The following SZT2 variants were observed in gnomAD, a reference collection of about 807,000 sequenced individuals.
SZT2 encodes the protein SZT2 subunit of KICSTOR complex.
A neutral mutation model predicts 404.2 loss-of-function variants in SZT2; 216 were observed. The ratio of observed to expected loss-of-function variants is 0.53; its 90% CI spans 0.48 to 0.60. The LOEUF (loss-of-function observed/expected upper bound fraction) is 0.60. SZT2 is among the 20% of genes least tolerant of loss of function. SZT2 has a pLI of 0.00. For synonymous variants in SZT2, 1,693 were observed against 1,749.9 expected (o/e 0.97, Z 0.81); for missense variants, 3,857 against 4,459.2 (o/e 0.86, Z 3.85).
Position 43,437,344 on chromosome 1 carries a change from G to A in SZT2, c.6187+21G>A, listed in dbSNP as rs74799735. 123 of 1,614,180 alleles carry A rather than the reference G, an allele frequency of 7.6e-5. 1 individual carries two copies. In the East Asian group the frequency reaches 2.1e-3, roughly 27 times the overall value. ...TCGGGGTATGTGATTGGCATGAGAG[G>A]GCAGGTGAGCATTGGAAGGATCTGG... On this transcript the variant is annotated intron_variant, in intron 43 of 71. Transcript: ENST00000634258. The surrounding 1 kb of genome is among the most constrained non-coding windows in gnomAD (Gnocchi z 5.3).
chr1:43,443,556 T>C (rs753191280), intron 61 of SZT2, 41 bp from the exon 62 acceptor site: 1 of 1,613,530 alleles, frequency 6.2e-7, no homozygotes, highest in Non-Finnish European at 8.5e-7. Flanking sequence ...AGCAGGATGG[T>C]TGACAGTGGG....
Position 43,441,988 on chromosome 1 carries a change from CCCTT to C in SZT2, c.7743-11_7743-8del, listed in dbSNP as rs760506692. The C allele has an allele frequency of 1.9e-6, 3 of 1,608,236 alleles. No individual in the cohort carries two copies. The Admixed American group carries it at 5.0e-5, about 27-fold the overall frequency. ...CATGGATGGCCTTTCTGTCTGTCCT[CCCTT>C]TCAATAGGGGTTCAGAGCCAGAGAT... On this transcript the variant is annotated splice_polypyrimidine_tract_variant and splice_region_variant and intron_variant, in intron 55 of 71. Transcript: ENST00000634258. This position sits in a 1 kb window ranked among gnomAD's most constrained non-coding sequence, Gnocchi z 4.8.
chr1:43,451,838 A>C lies in SZT2; in HGVS notation c.*1358A>C. ...GTTGGGTCTTCCTACCTTCTGTAAGATGGCTGCCGCTGTAAGAGAAGCCAG... is the reference window on the plus strand; with the variant it reads ...GTTGGGTCTTCCTACCTTCTGTAAGCTGGCTGCCGCTGTAAGAGAAGCCAG... On this transcript the variant is annotated 3_prime_UTR_variant, in exon 72 of 72. Coordinates refer to ENST00000634258, the MANE Select transcript of SZT2 (RefSeq NM_001365999.1). 1.2e-6 allele frequency: 2 copies of C among 1,614,036 alleles called. No homozygotes were observed. The highest frequency in any genetic ancestry group is 1.7e-6 in the Non-Finnish European group (2 of 1,179,966).
At chr1:43,412,568 G>C (rs1651196630) in intron 4 of SZT2, 1 of 152,212 alleles carries the variant, frequency 6.6e-6, no homozygotes, top group Admixed American at 6.5e-5. Flanking sequence ...TTACACATGT[G>C]AACCACTATG....
chr1:43,430,127 C>T, intron 30 of SZT2, 24 bp downstream of exon 30: 2 of 1,613,344 alleles, frequency 1.2e-6, no homozygotes, highest in Non-Finnish European at 1.7e-6. Context: ...TTCCTTACCT[C>T]TCTCGTGCCC....
chr1:43,403,513 A>C, intron 2 of SZT2, 88 bp from the exon 3 acceptor site: 4 of 1,460,362 alleles, frequency 2.7e-6, no homozygotes, highest in Middle Eastern at 4.6e-4. Context: ...AGAGCCAATG[A>C]TGTGTCATTT....
chr1:43,437,896 C>T lies in SZT2; in HGVS notation c.6502C>T (p.Gln2168Ter). The T allele has an allele frequency of 1.2e-6, 2 of 1,614,130 alleles. No homozygotes were observed. The highest frequency in any genetic ancestry group is 1.1e-5 in the South Asian group (1 of 91,082). Residue 2168 changes from glutamine (Q) to a stop codon, truncating the protein, a stop_gained, in exon 46 of 72, where the codon CAG becomes TAG. Coordinates refer to ENST00000634258, the MANE Select transcript of SZT2 (RefSeq NM_001365999.1). LOFTEE classifies it high-confidence loss of function. The surrounding 1 kb of genome is among the most constrained non-coding windows in gnomAD (Gnocchi z 5.3). The part of the protein sequence containing the change: ...HIQLLVHGVG[Q>*]AGPEITDELV... ...CCAGCTGCTGGTCCATGGTGTTGGG[C>T]AGGCAGGTAAGGTCTGAGGAGGGGG...
intron 32 of SZT2, 71 bp from the exon 33 acceptor site, chr1:43,430,878 T>C: frequency 6.3e-7 from 1 of 1,584,320 alleles, no homozygotes; most frequent in South Asian, 1.2e-5. Context: ...TTATGTCTTT[T>C]AACACATAGA....
chr1:43,393,643 A>G (rs1160705245), intron 1 of SZT2, among the ~76,000 whole-genome samples: 5 of 152,234 alleles, frequency 3.3e-5, no homozygotes, highest in Non-Finnish European at 7.3e-5. Context: ...ATGTGTTAAC[A>G]AAAGACAGCA....
chr1:43,408,992 C>T (rs964788608), intron 4 of SZT2, among the ~76,000 whole-genome samples: 1 of 152,076 alleles, frequency 6.6e-6, no homozygotes, highest in Non-Finnish European at 1.5e-5. Flanking sequence ...TGAGGGCCAC[C>T]GCAGGGACTG....
chr1:43,419,681 C>T (rs1181579522), intron 7 of SZT2, 53 bp from the exon 8 acceptor site: 2 of 1,459,198 alleles, frequency 1.4e-6, no homozygotes, highest in African/African-American at 1.4e-5. Context: ...TCCTGTTCTT[C>T]CTTCTCCTAT....
Position 43,453,750 on chromosome 1 carries a change from G to T in SZT2, c.*3270G>T, listed in dbSNP as rs1467496958. On this transcript the variant is annotated 3_prime_UTR_variant, in exon 72 of 72. Transcript: ENST00000634258. ...CCGCGCGGGGAGGCCGGAGAGCTCG[G>T]GGAATAGCCAGGACAGATTGGCGGA... 9 of 1,382,556 alleles carry T rather than the reference G, an allele frequency of 6.5e-6. No individual in the cohort carries two copies. The highest frequency in any genetic ancestry group is 8.3e-6 in the Non-Finnish European group (9 of 1,080,146). 85.6% of individuals were successfully genotyped at this position (1,382,556 alleles called of 1,614,324 possible). A position where few individuals can be genotyped will look rare whatever the true frequency, so the allele number is the denominator to read the frequency against.
chr1:43,434,422 G>A lies in SZT2; in HGVS notation c.5841G>A (p.Glu1947=), dbSNP rs527259816. Residue 1947 remains glutamate (E), a synonymous_variant, in exon 41 of 72, where the codon GAG becomes GAA. Coordinates refer to ENST00000634258, the MANE Select transcript of SZT2 (RefSeq NM_001365999.1). The part of the protein sequence containing the change: ...LIREDGGPGT[E]CRHLQQLLVR... ...GGGAGGATGGGGGGCCGGGCACTGAGTGTCGCCACCTGCAGCAGCTCCTGG... is the reference window on the plus strand; with the variant it reads ...GGGAGGATGGGGGGCCGGGCACTGAATGTCGCCACCTGCAGCAGCTCCTGG... 6.3e-7 allele frequency: 1 copy of A among 1,598,974 alleles called. No individual in the cohort carries two copies. Among genetic ancestry groups the A allele is most frequent in the Admixed American group, 1.8e-5 (1 of 56,928 alleles).
At position 43,424,647 on chromosome 1, in the gene SZT2, G is replaced by A. The variant is rs984529787; in HGVS notation, c.2472-137G>A. 2.9e-5 allele frequency: 25 copies of A among 871,002 alleles called. No homozygotes were observed. Among genetic ancestry groups the A allele is most frequent in the African/African-American group, 8.4e-5 (5 of 59,716 alleles). 54.0% of individuals were successfully genotyped at this position (871,002 alleles called of 1,614,324 possible). On this transcript the variant is annotated intron_variant, in intron 16 of 71. Coordinates refer to ENST00000634258, the MANE Select transcript of SZT2 (RefSeq NM_001365999.1). This position sits in a 1 kb window ranked among gnomAD's most constrained non-coding sequence, Gnocchi z 4.1. The stretch of plus-strand genomic sequence containing the variant: ...TGGATTTGTTATACCCTGAGGGACC[G>A]CCAGTCTAAGCAGGGCCAGCAGCAG...
At chr1:43,398,569 A>G (rs1014484511) in intron 1 of SZT2, among the ~76,000 whole-genome samples, 2 of 152,206 alleles carry the variant, frequency 1.3e-5, no homozygotes, top group African/African-American at 4.8e-5. Flanking sequence ...AGCTAAGTCA[A>G]ACCTGAAGGA....
chr1:43,395,173 C>T (rs966962131), intron 1 of SZT2, among the ~76,000 whole-genome samples: 7 of 152,194 alleles, frequency 4.6e-5, no homozygotes, highest in Non-Finnish European at 5.9e-5. Context: ...ATAGTCTGTG[C>T]CCTCTGTCTC....
intron 1 of SZT2, 131 bp downstream of exon 1, chr1:43,390,126 C>A: frequency 9.3e-7 from 1 of 1,072,396 alleles, no homozygotes; most frequent in Non-Finnish European, 1.2e-6. Flanking sequence ...ACCAGCCCAG[C>A]CCGGAAGGCC....
intron 62 of SZT2, 57 bp downstream of exon 62, chr1:43,443,853 C>T (rs1655370075): frequency 6.3e-6 from 10 of 1,599,340 alleles, no homozygotes; most frequent in Non-Finnish European, 7.7e-6. Flanking sequence ...AAGTGAGGCC[C>T]CACAGGCCCT....
intron 36 of SZT2, 55 bp downstream of exon 36, chr1:43,431,956 C>T: frequency 1.9e-6 from 3 of 1,596,104 alleles, no homozygotes; most frequent in Non-Finnish European, 2.6e-6. Flanking sequence ...CTTCCCTGGG[C>T]CCCAGGCACA....
Sources: gnomAD v4.1 joint callset for allele counts (sites outside exome capture counted in the v4.1 genomes callset) on GRCh38, gnomAD v4.1.1 for gene constraint, Gnocchi (gnomAD v3.1) non-coding constraint, MANE v1.5 for transcripts, NCBI Gene and HGNC (gene_info 2026-07-23, HGNC 2026-07-21) for gene names.